Variants in CHD7 observed in about 807,000 individuals in gnomAD.
CHD7 encodes the protein chromodomain helicase DNA binding protein 7.
Under a neutral mutation model 307.3 loss-of-function variants are expected in CHD7, and 24 were observed. The ratio of observed to expected loss-of-function variants is 0.08; its 90% CI spans 0.06 to 0.11. The LOEUF (loss-of-function observed/expected upper bound fraction) is 0.11. Among genes scored for constraint, CHD7 ranks in the 10% least tolerant of loss-of-function variants. CHD7 has a pLI of 1.00. For synonymous variants in CHD7, 1,363 were observed against 1,349.9 expected (o/e 1.01, Z -0.21); for missense variants, 3,106 against 3,727.1 (o/e 0.83, Z 4.34).
chr8:60,863,849 C>T (rs899752286), intron 37 of CHD7: 1 of 150,222 alleles, frequency 6.7e-6, no homozygotes, highest in Non-Finnish European at 1.5e-5. Context: ...ATCCTCCCAC[C>T]TCAGCCTCCC....
chr8:60,830,399 C>T lies in CHD7; in HGVS notation c.3600C>T (p.Pro1200=), dbSNP rs758389100. The part of the protein sequence containing the change: ...LKEDVEKNLA[P]KEETIIEVEL... ...AGGATGTAGAAAAGAACTTGGCCCC[C>T]AAAGAAGAAACTATTATTGAAGTTG... The change falls in exon 15 of 38, where the codon CCC becomes CCT. Residue 1200 remains proline (P), a synonymous_variant. Transcript: ENST00000423902. 9.9e-6 allele frequency: 16 copies of T among 1,613,778 alleles called. No homozygotes were observed. Among genetic ancestry groups the T allele is most frequent in the East Asian group, 2.2e-5 (1 of 44,888 alleles).
At chr8:60,788,329 T>C (rs998217418) in intron 3 of CHD7, among the ~76,000 whole-genome samples, 14 of 152,134 alleles carry the variant, frequency 9.2e-5, no homozygotes, top group African/African-American at 3.4e-4. Context: ...TTTATAGAGA[T>C]GAGGTTTTGT....
chr8:60,855,646 A>T (rs187170269), intron 32 of CHD7, among the ~76,000 whole-genome samples: 1 of 152,372 alleles, frequency 6.6e-6, no homozygotes, highest in Non-Finnish European at 1.5e-5. Context: ...TGGAGCTTGT[A>T]CAAGAGTTAC....
rs147534616 is a variant in CHD7 at position 60,865,533 on chromosome 8, C to T, written c.8594C>T (p.Ser2865Leu). Residue 2865 changes from serine (S) to leucine (L), a missense_variant, in exon 38 of 38, where the codon TCG (serine) becomes TTG (leucine). By Grantham distance (145) the Ser-to-Leu change is moderately radical. Transcript: ENST00000423902. This position sits in a 1 kb window ranked among gnomAD's most constrained non-coding sequence, Gnocchi z 4.3. ...TCTGAGAAAAGCACAGATGCTGTTT[C>T]GGCTGCTGACTCTGCGAATGGATCT... ...KDSEKSTDAV[S>L]AADSANGSVG... The T allele has an allele frequency of 2.8e-5, 45 of 1,614,064 alleles. No individual in the cohort carries two copies. The highest frequency in any genetic ancestry group is 4.5e-5 in the East Asian group (2 of 44,886).
At position 60,739,294 on chromosome 8, in the gene CHD7, T is replaced by G. The variant is rs1222289955; in HGVS notation, c.-174-1965T>G. 2.6e-5 allele frequency among the ~76,000 whole-genome samples: 4 copies of G among 152,258 alleles called. No individual in the cohort carries two copies. The East Asian group carries it at 7.7e-4, about 29-fold the overall frequency. ...AGGTTATTTTGGTAAGTGGTTGGGCTGCATGGCTGGTTTAAGCTATTATCA... is the reference window on the plus strand; with the variant it reads ...AGGTTATTTTGGTAAGTGGTTGGGCGGCATGGCTGGTTTAAGCTATTATCA... On this transcript the variant is annotated intron_variant, in intron 1 of 37. Coordinates refer to ENST00000423902, the MANE Select transcript of CHD7 (RefSeq NM_017780.4).
chr8:60,714,900 C>A (rs1209586552), intron 1 of CHD7, among the ~76,000 whole-genome samples: 1 of 152,188 alleles, frequency 6.6e-6, no homozygotes, highest in African/African-American at 2.4e-5. Context: ...AGGTGCTCAG[C>A]GGCTGAATGA....
At chr8:60,735,878 G>A (rs1184381713) in intron 1 of CHD7, among the ~76,000 whole-genome samples, 4 of 152,324 alleles carry the variant, frequency 2.6e-5, no homozygotes, top group Non-Finnish European at 5.9e-5. Flanking sequence ...ACCACATGTG[G>A]CTTTTGAGCA....
At chr8:60,839,564 T>TG (rs1187554116) in intron 19 of CHD7, among the ~76,000 whole-genome samples, 3 of 152,222 alleles carry the variant, frequency 2.0e-5, no homozygotes, top group African/African-American at 7.2e-5. Context: ...GAAGTATAGA[T>TG]GAGGATATGG....
intron 8 of CHD7, among the ~76,000 whole-genome samples, chr8:60,817,170 T>G (rs1803788664): frequency 6.6e-6 from 1 of 152,226 alleles, no homozygotes; most frequent in African/African-American, 2.4e-5. Context: ...GGACTTAGGA[T>G]CGCCAATTTG....
chr8:60,761,345 G>C (rs1334868313), intron 2 of CHD7, among the ~76,000 whole-genome samples: 3 of 117,704 alleles, frequency 2.5e-5, no homozygotes, highest in Admixed American at 2.1e-4. Context: ...ACTGTTGTGG[G>C]GTGGGGGGAG....
intron 2 of CHD7, among the ~76,000 whole-genome samples, chr8:60,756,086 C>T (rs1269508529): frequency 1.3e-5 from 2 of 152,190 alleles, no homozygotes; most frequent in Admixed American, 1.3e-4. Flanking sequence ...TTTAAATAGC[C>T]ATGAGGCTAG....
Position 60,690,947 on chromosome 8 carries a change from C to T in CHD7, c.-175+11865C>T, listed in dbSNP as rs557754699. ...TCTTTCTTTCTTTCTTTCTTTTTGACGGAGTCCTGCTCTGTCTCACAGGCT... is the reference window on the plus strand; with the variant it reads ...TCTTTCTTTCTTTCTTTCTTTTTGATGGAGTCCTGCTCTGTCTCACAGGCT... On this transcript the variant is annotated intron_variant, in intron 1 of 37. Transcript: ENST00000423902. 3.9e-5 allele frequency among the ~76,000 whole-genome samples: 6 copies of T among 152,204 alleles called. 1 individual carries two copies. The South Asian group carries it at 8.3e-4, about 21-fold the overall frequency.
chr8:60,791,852 T>A (rs1563604081), intron 3 of CHD7, among the ~76,000 whole-genome samples: 1 of 152,230 alleles, frequency 6.6e-6, no homozygotes, highest in East Asian at 1.9e-4. Flanking sequence ...CGATGAAGGC[T>A]CTTCCTTCTA....
intron 1 of CHD7, among the ~76,000 whole-genome samples, chr8:60,702,154 T>C (rs922645359): frequency 2.0e-5 from 3 of 152,160 alleles, no homozygotes; most frequent in Admixed American, 2.0e-4. Flanking sequence ...GGCATAGTTG[T>C]GAGGATTATA....
intron 2 of CHD7, among the ~76,000 whole-genome samples, chr8:60,760,081 C>G (rs923913517): frequency 6.6e-6 from 1 of 152,082 alleles, no homozygotes; most frequent in Non-Finnish European, 1.5e-5. Context: ...GTAGACTGTT[C>G]AGTTTGGGGT....
At chr8:60,821,248 A>G (rs115311585) in intron 9 of CHD7, among the ~76,000 whole-genome samples, 1,858 of 152,320 alleles carry the variant, frequency 0.012, 37 homozygotes, top group African/African-American at 0.042. Context: ...ATTTGTACAG[A>G]TAAAAAAAAT....
At chr8:60,861,791 ATCTG>A (rs1165661087) in intron 35 of CHD7, 2 of 156,760 alleles carry the variant, frequency 1.3e-5, no homozygotes, top group African/African-American at 2.4e-5. Context: ...CCCCTACAAG[ATCTG>A]TCTGTTTGTT....
At chr8:60,847,148 A>G (rs1336902997) in intron 23 of CHD7, among the ~76,000 whole-genome samples, 3 of 152,230 alleles carry the variant, frequency 2.0e-5, no homozygotes, top group African/African-American at 7.2e-5. Flanking sequence ...AGGGATTTAT[A>G]AGCTCACACT....
At chr8:60,770,293 C>T (rs1470403446) in intron 2 of CHD7, among the ~76,000 whole-genome samples, 1 of 152,202 alleles carries the variant, frequency 6.6e-6, no homozygotes, top group Non-Finnish European at 1.5e-5. Flanking sequence ...CCTACTCACA[C>T]AAAACATTTA....
Sources: allele counts gnomAD v4.1 joint callset (sites outside exome capture counted in the v4.1 genomes callset), GRCh38; gene constraint gnomAD v4.1.1; non-coding constraint Gnocchi (gnomAD v3.1); transcripts MANE v1.5; gene names NCBI Gene and HGNC (gene_info 2026-07-23, HGNC 2026-07-21).